SLC43A1: variants seen among roughly 807,000 people sequenced by gnomAD.
The protein encoded by SLC43A1 is large neutral amino acids transporter small subunit 3.
SLC43A1 carries 31 observed loss-of-function variants against 59.5 expected under a neutral mutation model. The ratio of observed to expected loss-of-function variants is 0.52; its 90% CI spans 0.39 to 0.70. The LOEUF (loss-of-function observed/expected upper bound fraction) is 0.70. SLC43A1 is among the 30% of genes least tolerant of loss of function. SLC43A1 has a pLI of 0.00. For missense variants in SLC43A1, 598 were observed against 717.8 expected (o/e 0.83, Z 1.91); for synonymous variants, 259 against 290.9 (o/e 0.89, Z 1.12).
intron 2 of SLC43A1, among the ~76,000 whole-genome samples, chr11:57,507,327 G>A (rs893530257): frequency 5.3e-5 from 8 of 152,128 alleles, no homozygotes; most frequent in East Asian, 1.9e-4. Context: ...AAAATTAGCC[G>A]GGCATGGTGG....
At chr11:57,499,098 G>C (rs1487706307) in intron 5 of SLC43A1, among the ~76,000 whole-genome samples, 1 of 152,188 alleles carries the variant, frequency 6.6e-6, no homozygotes, top group African/African-American at 2.4e-5. Flanking sequence ...CGAGGCGGGT[G>C]GATTGCCTGA....
At position 57,514,995 on chromosome 11, in the gene SLC43A1, G is replaced by C; in HGVS notation, c.-14+449C>G. On this transcript the variant is annotated intron_variant, in intron 1 of 14. Transcript: ENST00000278426. The surrounding 1 kb of genome is among the most constrained non-coding windows in gnomAD (Gnocchi z 5.5). ...GGCCGCTGCAGCCTCGGCGGGAGGA[G>C]AGGGAACGCGGGCGGCGCGGGGGCG... The C allele has an allele frequency of 2.0e-6, 2 of 982,680 alleles. No homozygotes were observed. The highest frequency in any genetic ancestry group is 2.4e-6 in the Non-Finnish European group (2 of 827,500). The allele number at this position is 982,680 out of a possible 1,614,324, so 60.9% of individuals were successfully genotyped here. A position where few individuals can be genotyped will look rare whatever the true frequency, so the allele number is the denominator to read the frequency against.
chr11:57,504,447 C>G (rs1944345255), intron 2 of SLC43A1, among the ~76,000 whole-genome samples: 1 of 152,214 alleles, frequency 6.6e-6, no homozygotes, highest in African/African-American at 2.4e-5. Context: ...CTTTGATAAT[C>G]AAATGACAAT....
chr11:57,498,932 A>G (rs1434831643), intron 5 of SLC43A1, among the ~76,000 whole-genome samples: 1 of 152,114 alleles, frequency 6.6e-6, no homozygotes, highest in Non-Finnish European at 1.5e-5. Flanking sequence ...ACTAGATCCC[A>G]CAGCTGAGAA....
intron 2 of SLC43A1, among the ~76,000 whole-genome samples, chr11:57,504,797 G>A (rs957632491): frequency 4.6e-5 from 7 of 152,192 alleles, no homozygotes; most frequent in Non-Finnish European, 8.8e-5. Flanking sequence ...ATCCATTCCC[G>A]TGAAATGCTA....
rs1223094472 is a variant in SLC43A1, at chr11:57,501,277, A to T, written c.207T>A (p.Cys69Ter). ...GGTTGAGCATCTCGTCCTGCTGGTCACAGCCTGGCCACCTGCGCTGCTCAT... is the reference window on the plus strand; with the variant it reads ...GGTTGAGCATCTCGTCCTGCTGGTCTCAGCCTGGCCACCTGCGCTGCTCAT... ...TQDEQRRWPG[C>*]DQQDEMLNLG... is the part of the protein sequence containing the mutation. The change falls in exon 3 of 15, where the codon TGT becomes TGA. Residue 69 changes from cysteine (C) to a stop codon, truncating the protein, a stop_gained. Coordinates refer to ENST00000278426, the MANE Select transcript of SLC43A1 (RefSeq NM_003627.6). LOFTEE classifies it high-confidence loss of function. 1 of 1,612,130 alleles carries T rather than the reference A, an allele frequency of 6.2e-7. No homozygotes were observed. The highest frequency in any genetic ancestry group is 1.7e-5 in the Admixed American group (1 of 60,032).
Position 57,514,720 on chromosome 11 carries a change from G to T in SLC43A1, c.-13-596C>A. The T allele has an allele frequency of 3.1e-6, 2 of 649,484 alleles. No homozygotes were observed. Among genetic ancestry groups the T allele is most frequent in the Non-Finnish European group, 3.8e-6 (2 of 522,638 alleles). The allele number at this position is 649,484 out of a possible 1,614,324, so 40.2% of individuals were successfully genotyped here. A position where few individuals can be genotyped will look rare whatever the true frequency, so the allele number is the denominator to read the frequency against. On this transcript the variant is annotated intron_variant, in intron 1 of 14. Transcript: ENST00000278426. The surrounding 1 kb of genome is among the most constrained non-coding windows in gnomAD (Gnocchi z 5.5). ...CGGGCCAAGCCAACAGCTGCCACGT[G>T]GAGGGAGACCCAGGACGGGCTCTCC...
At chr11:57,487,354 C>G (rs1480159508) in intron 13 of SLC43A1, 136 bp from the exon 14 acceptor site, 20 of 1,077,456 alleles carry the variant, frequency 1.9e-5, no homozygotes, top group Non-Finnish European at 2.6e-5. Context: ...TTTGCATGGG[C>G]TCTTTGGTCC....
chr11:57,485,018 A>G lies in SLC43A1; in HGVS notation c.*78T>C. 6.9e-7 allele frequency: 1 copy of G among 1,459,790 alleles called. No individual in the cohort carries two copies. Among genetic ancestry groups the G allele is most frequent in the Non-Finnish European group, 9.2e-7 (1 of 1,089,838 alleles). The allele number at this position is 1,459,790 out of a possible 1,614,324, so 90.4% of individuals were successfully genotyped here. A position where few individuals can be genotyped will look rare whatever the true frequency, so the allele number is the denominator to read the frequency against. On this transcript the variant is annotated 3_prime_UTR_variant, in exon 15 of 15. Coordinates refer to ENST00000278426, the MANE Select transcript of SLC43A1 (RefSeq NM_003627.6). ...ATGGCTCTATGTGCATGTTACAGGT[A>G]GAAAAGCCATATGGGGCACTCCTTT... is the stretch of plus-strand genomic sequence containing the variant.
chr11:57,494,091 C>G lies in SLC43A1; in HGVS notation c.773G>C (p.Gly258Ala), dbSNP rs1380629117. Reference protein sequence around the residue: ...DLFYTHVTTMGQRLSQKAPSL... With the variant: ...DLFYTHVTTMAQRLSQKAPSL... ...GGGGGCCTTCTGGCTGAGCCTCTGG[C>G]CCATGGTGGTCACATGGGTGTAGAA... Residue 258 changes from glycine (G) to alanine (A), a missense_variant, in exon 8 of 15, where the codon GGC becomes GCC. By Grantham distance (60) the Gly-to-Ala change is moderately conservative. Transcript: ENST00000278426. 3.7e-6 allele frequency: 6 copies of G among 1,611,712 alleles called. No homozygotes were observed. Among genetic ancestry groups the G allele is most frequent in the Non-Finnish European group, 5.1e-6 (6 of 1,178,950 alleles).
At chr11:57,495,995 C>A in intron 7 of SLC43A1, 36 bp downstream of exon 7, 1 of 1,609,702 alleles carries the variant, frequency 6.2e-7, no homozygotes, top group Non-Finnish European at 8.5e-7. Context: ...GCCCTCTCTG[C>A]CCCAGGGAGA....
rs114365144 is a variant in SLC43A1, at chr11:57,488,404, A to G, written c.1409+512T>C. On this transcript the variant is annotated intron_variant, in intron 13 of 14. Transcript: ENST00000278426. ...AGACCGCTGCAGTGAGGCTGAACTC[A>G]GGGAGTGATGGTCAAGGATCCTGCC... Among the ~76,000 whole-genome samples, 558 of 152,302 alleles carry G rather than the reference A, an allele frequency of 3.7e-3. 5 individuals carry two copies. The highest frequency in any genetic ancestry group is 0.013 in the African/African-American group (533 of 41,564).
chr11:57,500,887 T>C (rs774097400), intron 4 of SLC43A1, 32 bp from the exon 5 acceptor site: 4 of 1,612,762 alleles, frequency 2.5e-6, no homozygotes, highest in Middle Eastern at 1.7e-4. Context: ...ATGAGGGCAT[T>C]TGGGGAGCTG....
intron 4 of SLC43A1, 34 bp from the exon 5 acceptor site, chr11:57,500,889 G>C (rs1446569280): frequency 6.2e-7 from 1 of 1,611,878 alleles, no homozygotes; most frequent in East Asian, 2.2e-5. Flanking sequence ...GAGGGCATTT[G>C]GGGAGCTGTG....
At chr11:57,487,257 T>C (rs771982213) in intron 13 of SLC43A1, 39 bp from the exon 14 acceptor site, 10 of 1,598,024 alleles carry the variant, frequency 6.3e-6, no homozygotes, top group Non-Finnish European at 7.7e-6. Context: ...TGTGTGGCCC[T>C]CTCCAGCCCA....
chr11:57,512,661 C>T (rs1273236598), intron 2 of SLC43A1, among the ~76,000 whole-genome samples: 1 of 152,026 alleles, frequency 6.6e-6, no homozygotes, highest in Non-Finnish European at 1.5e-5. Flanking sequence ...TCCCTAATAG[C>T]CCTCCACTTG....
rs769410310 is a variant in SLC43A1, at chr11:57,501,165, G to A, written c.319C>T (p.Arg107Trp). The change falls in exon 3 of 15, where the codon CGG becomes TGG. Residue 107 changes from arginine (R) to tryptophan (W), a missense_variant. Arg to Trp is a moderately radical substitution (Grantham distance 101, BLOSUM62 -3). Transcript: ENST00000278426. ...CAGCCACCTCACCTGCCAACCAGCC[G>A]CACGGGTCGGGGGCCAAAGCGGTCC... The part of the protein sequence containing the change: ...LMDRFGPRPV[R>W]LVGSACFTAS... 1.3e-5 allele frequency: 21 copies of A among 1,612,122 alleles called. No homozygotes were observed. Among genetic ancestry groups the A allele is most frequent in the Non-Finnish European group, 1.4e-5 (17 of 1,179,918 alleles).
chr11:57,493,570 A>C (rs1167268021), intron 8 of SLC43A1, among the ~76,000 whole-genome samples: 1 of 152,174 alleles, frequency 6.6e-6, no homozygotes, highest in Non-Finnish European at 1.5e-5. Context: ...CCCTCCTGAG[A>C]AGCAGCCCAG....
At chr11:57,492,749 A>AC (rs1943970139) in intron 8 of SLC43A1, among the ~76,000 whole-genome samples, 1 of 145,964 alleles carries the variant, frequency 6.9e-6, no homozygotes. Flanking sequence ...AAAAAAAAAA[A>AC]AAAAAAACCT....
Sources: gnomAD v4.1 joint callset for allele counts (sites outside exome capture counted in the v4.1 genomes callset) on GRCh38, gnomAD v4.1.1 for gene constraint, Gnocchi (gnomAD v3.1) non-coding constraint, MANE v1.5 for transcripts, NCBI Gene and HGNC (gene_info 2026-07-23, HGNC 2026-07-21) for gene names.